Variants in SLN observed in about 807,000 individuals in gnomAD.
The protein encoded by SLN is sarcolipin.
For missense variants in SLN, 34 were observed against 37.4 expected (o/e 0.91, Z 0.24); for synonymous variants, 19 against 14.4 (o/e 1.32, Z -0.72).
Position 107,707,828 on chromosome 11 carries a change from T to A in SLN, c.*7A>T. 6 of 1,599,442 alleles carry A rather than the reference T, an allele frequency of 3.8e-6. No individual in the cohort carries two copies. The highest frequency in any genetic ancestry group is 3.4e-6 in the Non-Finnish European group (4 of 1,166,862). Reference sequence around the variant, plus strand: ...CTCAGTCAATCCCAGGACCATGGCATGGCCTCTCAGTACTGATAGGACCTC... The same window carrying A: ...CTCAGTCAATCCCAGGACCATGGCAAGGCCTCTCAGTACTGATAGGACCTC... On this transcript the variant is annotated 3_prime_UTR_variant, in exon 2 of 2. Coordinates refer to ENST00000305991, the MANE Select transcript of SLN (RefSeq NM_003063.3).
chr11:107,708,125 T>A (rs1475744296), intron 1 of SLN, 120 bp from the exon 2 acceptor site: 6 of 590,032 alleles, frequency 1.0e-5, no homozygotes, highest in Non-Finnish European at 1.8e-5. Context: ...ATGGGCTAAA[T>A]TGTGTCCCCC....
intron 1 of SLN, 123 bp downstream of exon 1, chr11:107,711,840 G>C (rs1867214096): frequency 6.6e-6 from 1 of 152,064 alleles, no homozygotes; most frequent in Non-Finnish European, 1.5e-5. Context: ...ATATCTTAAG[G>C]CATGCTGTAT....
In SLN at chr11:107,707,562, T is replaced by C; in HGVS notation, c.*273A>G. The C allele has an allele frequency of 2.7e-6, 1 of 373,532 alleles. No homozygotes were observed. The highest frequency in any genetic ancestry group is 4.9e-6 in the Non-Finnish European group (1 of 205,736). 23.1% of individuals were successfully genotyped at this position (373,532 alleles called of 1,614,324 possible). On this transcript the variant is annotated 3_prime_UTR_variant, in exon 2 of 2. Coordinates refer to ENST00000305991, the MANE Select transcript of SLN (RefSeq NM_003063.3). ...CATCATCATGAATCCAGTTTAATTTTAACTTTGTGGCTTGTCTAACACATT... is the reference window on the plus strand; with the variant it reads ...CATCATCATGAATCCAGTTTAATTTCAACTTTGTGGCTTGTCTAACACATT...
rs865898211 is a variant in SLN at position 107,707,603 on chromosome 11, G to A, written c.*232C>T. On this transcript the variant is annotated 3_prime_UTR_variant, in exon 2 of 2. Transcript: ENST00000305991. The stretch of plus-strand genomic sequence containing the variant: ...CTAACACATTTTCAGTTAAGAGTTG[G>A]GGAATAAATCTACCGTTCCCTGGCA... 2 of 477,048 alleles carry A rather than the reference G, an allele frequency of 4.2e-6. No individual in the cohort carries two copies. The highest frequency in any genetic ancestry group is 6.7e-5 in the East Asian group (2 of 30,074). The allele number at this position is 477,048 out of a possible 1,614,324, so 29.6% of individuals were successfully genotyped here.
chr11:107,709,998 T>A (rs1867196003), intron 1 of SLN, among the ~76,000 whole-genome samples: 1 of 152,124 alleles, frequency 6.6e-6, no homozygotes, highest in Non-Finnish European at 1.5e-5. Flanking sequence ...TTACAAAGAT[T>A]TGCATGGAGG....
chr11:107,711,749 A>AT (rs930449973), intron 1 of SLN, among the ~76,000 whole-genome samples: 11 of 151,778 alleles, frequency 7.2e-5, no homozygotes, highest in East Asian at 3.9e-4. Flanking sequence ...AAGAAAAAAA[A>AT]TTTTTTTTTA....
chr11:107,709,893 G>A (rs1463403291), intron 1 of SLN, among the ~76,000 whole-genome samples: 1 of 152,186 alleles, frequency 6.6e-6, no homozygotes, highest in African/African-American at 2.4e-5. Context: ...TGGAGTGGGA[G>A]GATCACTTGA....
intron 1 of SLN, among the ~76,000 whole-genome samples, chr11:107,711,750 T>A (rs997151421): frequency 4.0e-5 from 6 of 151,040 alleles, no homozygotes; most frequent in South Asian, 2.1e-4. Flanking sequence ...AGAAAAAAAA[T>A]TTTTTTTTAC....
At chr11:107,710,337 C>A (rs963310903) in intron 1 of SLN, among the ~76,000 whole-genome samples, 1 of 152,208 alleles carries the variant, frequency 6.6e-6, no homozygotes, top group Non-Finnish European at 1.5e-5. Context: ...TCATGGGAAT[C>A]ATGGATAGTG....
chr11:107,710,288 C>T (rs1008693744), intron 1 of SLN, among the ~76,000 whole-genome samples: 4 of 152,306 alleles, frequency 2.6e-5, no homozygotes, highest in Admixed American at 6.5e-5. Context: ...AGCAAAACAA[C>T]GGTCCCACCA....
Position 107,707,483 on chromosome 11 carries a change from G to A in SLN, c.*352C>T, listed in dbSNP as rs180724656. The A allele has an allele frequency of 2.2e-5, 4 of 183,672 alleles. No homozygotes were observed. In the East Asian group the frequency reaches 4.2e-4, roughly 19 times the overall value. 11.4% of individuals were successfully genotyped at this position (183,672 alleles called of 1,614,324 possible). A position where few individuals can be genotyped will look rare whatever the true frequency, so the allele number is the denominator to read the frequency against. On this transcript the variant is annotated 3_prime_UTR_variant, in exon 2 of 2. Transcript: ENST00000305991. ...TTGAATTAGAGTTTGGTTGCAGACC[G>A]TGTGGGTTGAAGGGATGTGTGGTGA...
In SLN at chr11:107,707,748, TG is replaced by T; in HGVS notation, c.*86del. 1 of 943,026 alleles carries T rather than the reference TG, an allele frequency of 1.1e-6. No individual in the cohort carries two copies. The highest frequency in any genetic ancestry group is 1.7e-6 in the Non-Finnish European group (1 of 577,974). 58.4% of individuals were successfully genotyped at this position (943,026 alleles called of 1,614,324 possible). A position where few individuals can be genotyped will look rare whatever the true frequency, so the allele number is the denominator to read the frequency against. ...TGCCCTCGGATGGAGAATGGCATCC[TG>T]TGACAATGACAGCAGTGGGGTCTCA... On this transcript the variant is annotated 3_prime_UTR_variant, in exon 2 of 2. Coordinates refer to ENST00000305991, the MANE Select transcript of SLN (RefSeq NM_003063.3).
At position 107,707,856 on chromosome 11, in the gene SLN, A is replaced by G. The variant is rs745725364; in HGVS notation, c.75T>C (p.Leu25=). 3.7e-6 allele frequency: 6 copies of G among 1,613,812 alleles called. No individual in the cohort carries two copies. Among genetic ancestry groups the G allele is most frequent in the Non-Finnish European group, 5.1e-6 (6 of 1,179,782 alleles). Residue 25 remains leucine (L), a synonymous_variant, in exon 2 of 2, where the codon CTT becomes CTC. Transcript: ENST00000305991. ...CCTCTCAGTACTGATAGGACCTCAC[A>G]AGGAGCCACATAAGAATAACCGTAA... is the stretch of plus-strand genomic sequence containing the variant. ...VLITVILMWL[L]VRSYQY
intron 1 of SLN, among the ~76,000 whole-genome samples, chr11:107,710,140 C>T (rs1867197303): frequency 1.3e-5 from 2 of 152,344 alleles, no homozygotes; most frequent in South Asian, 4.1e-4. Context: ...GAAACGAAGA[C>T]AGACTCTTTC....
In SLN at chr11:107,707,915, G is replaced by A. The variant is rs767235482; in HGVS notation, c.16C>T (p.Arg6Trp). The change falls in exon 2 of 2, where the codon CGG becomes TGG. Residue 6 changes from arginine (R) to tryptophan (W), a missense_variant. Physicochemically the swap from Arg to Trp is moderately radical, Grantham distance 101. Coordinates refer to ENST00000305991, the MANE Select transcript of SLN (RefSeq NM_003063.3). MGINT[R>W]ELFLNFTIVL... ...ATAGTGAAGTTGAGAAACAGCTCCC[G>A]GGTGTTTATCCCCATTTTCACAGCG... 5 of 1,613,744 alleles carry A rather than the reference G, an allele frequency of 3.1e-6. No homozygotes were observed. Among genetic ancestry groups the A allele is most frequent in the Admixed American group, 1.7e-5 (1 of 59,980 alleles).
At chr11:107,708,067 C>A in intron 1 of SLN, 62 bp from the exon 2 acceptor site, 1 of 664,616 alleles carries the variant, frequency 1.5e-6, no homozygotes. Context: ...TAACAATGCT[C>A]GTTCTTTCCT....
At position 107,707,831 on chromosome 11, in the gene SLN, C is replaced by T. The variant is rs777802818; in HGVS notation, c.*4G>A. 6.2e-7 allele frequency: 1 copy of T among 1,607,954 alleles called. No homozygotes were observed. The highest frequency in any genetic ancestry group is 8.5e-7 in the Non-Finnish European group (1 of 1,174,668). Reference sequence around the variant, plus strand: ...AGTCAATCCCAGGACCATGGCATGGCCTCTCAGTACTGATAGGACCTCACA... The same window carrying T: ...AGTCAATCCCAGGACCATGGCATGGTCTCTCAGTACTGATAGGACCTCACA... On this transcript the variant is annotated 3_prime_UTR_variant, in exon 2 of 2. Coordinates refer to ENST00000305991, the MANE Select transcript of SLN (RefSeq NM_003063.3).
rs1867169782 is a variant in SLN at position 107,707,725 on chromosome 11, C to T, written c.*110G>A. ...ATATTGTGAGTGCAGGTCACAGGTG[C>T]CCTCGGATGGAGAATGGCATCCTGT... On this transcript the variant is annotated 3_prime_UTR_variant, in exon 2 of 2. Coordinates refer to ENST00000305991, the MANE Select transcript of SLN (RefSeq NM_003063.3). The T allele has an allele frequency of 1.3e-6, 1 of 763,696 alleles. No homozygotes were observed. Among genetic ancestry groups the T allele is most frequent in the African/African-American group, 1.7e-5 (1 of 58,770 alleles). The allele number at this position is 763,696 out of a possible 1,614,324, so 47.3% of individuals were successfully genotyped here.
chr11:107,709,082 C>T (rs1867184168), intron 1 of SLN, among the ~76,000 whole-genome samples: 1 of 152,188 alleles, frequency 6.6e-6, no homozygotes, highest in Admixed American at 6.5e-5. Context: ...TAGTCAGGTC[C>T]AGGATGTGCC....
Sources: allele counts gnomAD v4.1 joint callset (sites outside exome capture counted in the v4.1 genomes callset), GRCh38; gene constraint gnomAD v4.1.1; transcripts MANE v1.5; gene names NCBI Gene and HGNC (gene_info 2026-07-23, HGNC 2026-07-21).